Variants in RERE observed in about 807,000 individuals in gnomAD.
The protein encoded by RERE is arginine-glutamic acid dipeptide repeats, also known as arginine-glutamic acid dipeptide repeats protein.
In RERE, 40 loss-of-function variants were observed where a neutral mutation model predicts 146.1. The observed-to-expected ratio is 0.27, with a 90% CI of 0.21 to 0.36. The LOEUF is 0.36. Ranked by LOEUF, RERE falls within the 10% of genes least tolerant of loss-of-function variation. The pLI is 1.00. For synonymous variants in RERE, 1,003 were observed against 866.0 expected, an observed-to-expected ratio of 1.16 and a Z score of -2.78; for missense variants, 1,933 against 2,138.7, an observed-to-expected ratio of 0.90 and a Z score of 1.90.
intron 4 of RERE, among the ~76,000 whole-genome samples, chr1:8,559,564 G>C (rs559166833): frequency 6.6e-6 from 1 of 152,192 alleles, no homozygotes; most frequent in South Asian, 2.1e-4. Context: ...GGACATACCA[G>C]TATGTTAAAT....
intron 2 of RERE, among the ~76,000 whole-genome samples, chr1:8,639,773 A>G (rs1050320579): frequency 6.6e-6 from 1 of 152,224 alleles, no homozygotes; most frequent in Non-Finnish European, 1.5e-5. Context: ...TCTACTAAAA[A>G]GGAAAAATTA....
intron 12 of RERE, among the ~76,000 whole-genome samples, chr1:8,368,039 T>C (rs1207242663): frequency 6.6e-6 from 1 of 152,210 alleles, no homozygotes; most frequent in Non-Finnish European, 1.5e-5. Flanking sequence ...TCATGCTTCA[T>C]GAGCTCAAAA....
intron 1 of RERE, among the ~76,000 whole-genome samples, chr1:8,714,962 C>T (rs576992447): frequency 1.4e-4 from 22 of 152,118 alleles, no homozygotes; most frequent in Non-Finnish European, 2.4e-4. Flanking sequence ...CAACCTCCGC[C>T]TCCTGGGTTC....
intron 7 of RERE, among the ~76,000 whole-genome samples, chr1:8,535,567 A>G (rs1269783550): frequency 6.6e-6 from 1 of 152,240 alleles, no homozygotes; most frequent in African/African-American, 2.4e-5. Context: ...TTTAAAACAA[A>G]ATAAAATGCA....
Position 8,364,288 on chromosome 1 carries a change from G to C in RERE, c.1541-33C>G. ...AGGGAAGTGGTGGGGGCCAACCTTG[G>C]AAACCATCCCTCTCCCTGGGGATGT... On this transcript the variant is annotated intron_variant, in intron 14 of 22. Coordinates refer to ENST00000400908, the MANE Select transcript of RERE (RefSeq NM_001042681.2). This position sits in a 1 kb window ranked among gnomAD's most constrained non-coding sequence, Gnocchi z 5.1. The C allele has an allele frequency of 1.9e-6, 3 of 1,596,994 alleles. No homozygotes were observed. Among genetic ancestry groups the C allele is most frequent in the Non-Finnish European group, 2.6e-6 (3 of 1,164,926 alleles).
intron 2 of RERE, among the ~76,000 whole-genome samples, chr1:8,635,589 T>A (rs987931865): frequency 2.0e-5 from 3 of 152,174 alleles, no homozygotes; most frequent in African/African-American, 7.2e-5. Context: ...GCTCCTTTTG[T>A]AATCTGTACC....
intron 1 of RERE, among the ~76,000 whole-genome samples, chr1:8,733,779 G>A (rs907929170): frequency 1.4e-4 from 21 of 152,212 alleles, no homozygotes; most frequent in Non-Finnish European, 2.9e-5. Flanking sequence ...GCAGTTTGGA[G>A]GTATTTTGTT....
chr1:8,725,017 T>C (rs1245032495), intron 1 of RERE, among the ~76,000 whole-genome samples: 1 of 152,228 alleles, frequency 6.6e-6, no homozygotes, highest in East Asian at 1.9e-4. Flanking sequence ...AAAGTTCTAA[T>C]GAGTAGTGTA....
At chr1:8,708,435 T>C (rs1639599360) in intron 1 of RERE, among the ~76,000 whole-genome samples, 1 of 152,130 alleles carries the variant, frequency 6.6e-6, no homozygotes, top group Non-Finnish European at 1.5e-5. Flanking sequence ...CAAGCAATGC[T>C]CCTGTCTCAG....
At chr1:8,361,515 G>A (rs1557588157) in intron 17 of RERE, 25 bp from the exon 18 acceptor site, 1 of 1,606,204 alleles carries the variant, frequency 6.2e-7, no homozygotes, top group South Asian at 1.1e-5. Context: ...GGGAAGGATG[G>A]AAGTCCCAGG....
intron 11 of RERE, among the ~76,000 whole-genome samples, chr1:8,443,459 G>GAAAAAAAAAAAAAAAAAAAAAA (rs144499944): frequency 8.9e-6 from 1 of 112,778 alleles, no homozygotes; most frequent in Non-Finnish European, 1.7e-5. Context: ...CTCAAAAAAA[G>GAAAAAAAAAAAAAAAAAAAAAA]AAAAAAAAAA....
intron 2 of RERE, among the ~76,000 whole-genome samples, chr1:8,640,253 T>C (rs1421859300): frequency 6.6e-6 from 1 of 152,094 alleles, no homozygotes; most frequent in Non-Finnish European, 1.5e-5. Context: ...GGTATAACTA[T>C]AATCAAAGCT....
At chr1:8,617,806 A>T (rs1394007482) in intron 3 of RERE, among the ~76,000 whole-genome samples, 2 of 152,236 alleles carry the variant, frequency 1.3e-5, no homozygotes, top group Non-Finnish European at 2.9e-5. Context: ...CAATATAATG[A>T]TGCCTAAAAA....
At chr1:8,545,655 T>C (rs1645850121) in intron 6 of RERE, among the ~76,000 whole-genome samples, 1 of 149,980 alleles carries the variant, frequency 6.7e-6, no homozygotes, top group South Asian at 2.1e-4. Context: ...AAATTATTAA[T>C]AATAAAAAAT....
At chr1:8,534,342 C>T (rs1287534384) in intron 7 of RERE, among the ~76,000 whole-genome samples, 1 of 152,086 alleles carries the variant, frequency 6.6e-6, no homozygotes, top group African/African-American at 2.4e-5. Flanking sequence ...AAGAATGTTA[C>T]ACATAAGGAA....
At position 8,675,264 on chromosome 1, in the gene RERE, C is replaced by G. The variant is rs976045955; in HGVS notation, c.-144-18823G>C. ...GTTATGATATGTGCTGCTTTCTTCC[C>G]TATATATAGGCCTGTCACTTTCGAT... On this transcript the variant is annotated intron_variant, in intron 1 of 22. Transcript: ENST00000400908. Among the ~76,000 whole-genome samples the G allele has an allele frequency of 3.9e-5, 6 of 151,932 alleles. 1 individual carries two copies. The highest frequency in any genetic ancestry group is 3.9e-4 in the Admixed American group (6 of 15,254).
intron 4 of RERE, among the ~76,000 whole-genome samples, chr1:8,559,474 T>C (rs951144209): frequency 1.3e-5 from 2 of 152,060 alleles, no homozygotes; most frequent in Admixed American, 1.3e-4. Context: ...TTAATATTTA[T>C]GCATTTTATG....
chr1:8,426,164 G>A (rs1319715250), intron 11 of RERE, among the ~76,000 whole-genome samples: 2 of 152,108 alleles, frequency 1.3e-5, no homozygotes, highest in Non-Finnish European at 2.9e-5. Flanking sequence ...TTCCTAAGAA[G>A]TGTCTTTCAG....
At chr1:8,582,114 G>A (rs1180097373) in intron 4 of RERE, among the ~76,000 whole-genome samples, 3 of 152,022 alleles carry the variant, frequency 2.0e-5, no homozygotes, top group African/African-American at 4.8e-5. Flanking sequence ...AAATAACACC[G>A]TTTCCTCAAA....
Sources: allele counts gnomAD v4.1 joint callset (sites outside exome capture counted in the v4.1 genomes callset), GRCh38; gene constraint gnomAD v4.1.1; non-coding constraint Gnocchi (gnomAD v3.1); transcripts MANE v1.5; gene names NCBI Gene and HGNC (gene_info 2026-07-23, HGNC 2026-07-21).